Variants in OCA2 observed in about 807,000 individuals in gnomAD.
OCA2 encodes the protein P protein.
In OCA2, 77 loss-of-function variants were observed where a neutral mutation model predicts 100.2. That is an observed-to-expected ratio of 0.77 (90% confidence interval 0.64 to 0.93). The LOEUF (loss-of-function observed/expected upper bound fraction) is 0.93. Ranked by LOEUF, OCA2 falls within the 40% of genes least tolerant of loss-of-function variation. The pLI is 0.00. For missense variants in OCA2, 1,062 were observed against 1,089.1 expected (o/e 0.98, Z 0.35); for synonymous variants, 432 against 439.2 (o/e 0.98, Z 0.21).
intron 23 of OCA2, among the ~76,000 whole-genome samples, chr15:27,770,979 CCTT>C (rs1218784288): frequency 6.4e-5 from 7 of 108,756 alleles, no homozygotes; most frequent in Non-Finnish European, 1.2e-4. Context: ...CCCTTCCTTT[CCTT>C]CTTTCTTCCT....
intron 9 of OCA2, among the ~76,000 whole-genome samples, chr15:28,008,182 T>A (rs1035262463): frequency 6.6e-5 from 10 of 151,274 alleles, no homozygotes; most frequent in African/African-American, 2.4e-4. Context: ...TAGAGTAGAG[T>A]TTCCTCTTCA....
At position 27,983,201 on chromosome 15, in the gene OCA2, C is replaced by T. The variant is rs145382285; in HGVS notation, c.1503+144G>A. 717 of 950,726 alleles carry T rather than the reference C, an allele frequency of 7.5e-4. 2 individuals are homozygous for T. In the African/African-American group the frequency reaches 0.011, roughly 14 times the overall value. 58.9% of individuals were successfully genotyped at this position (950,726 alleles called of 1,614,324 possible). The stretch of plus-strand genomic sequence containing the variant: ...TTGAAGGACCAGTCACCTAACATCC[C>T]AGTCTTGAGATGCCCAGTAGCACTT... On this transcript the variant is annotated intron_variant, in intron 14 of 23. Transcript: ENST00000354638.
the OCA2 span, among the ~76,000 whole-genome samples, chr15:27,744,181 G>A: frequency 5.3e-5 from 8 of 152,284 alleles, 1 homozygote; most frequent in Admixed American, 6.5e-5. Context: ...TAAGATCCGG[G>A]GTGTCAGCCC....
chr15:27,785,181 T>A (rs546250301), intron 23 of OCA2, among the ~76,000 whole-genome samples: 1 of 152,032 alleles, frequency 6.6e-6, no homozygotes, highest in African/African-American at 2.4e-5. Context: ...CTTTGGAGTA[T>A]TAGGAAAAAA....
chr15:27,934,247 G>A (rs1442095882), intron 18 of OCA2, among the ~76,000 whole-genome samples: 3 of 136,506 alleles, frequency 2.2e-5, no homozygotes. Flanking sequence ...ATGCAAAAAT[G>A]TTGGGACCCC....
At chr15:27,873,549 A>G (rs930333649) in intron 19 of OCA2, among the ~76,000 whole-genome samples, 15 of 152,258 alleles carry the variant, frequency 9.9e-5, no homozygotes, top group South Asian at 6.2e-4. Context: ...GTTCTGCCAA[A>G]TACCAAATAG....
At chr15:27,736,756 G>A in the OCA2 span, among the ~76,000 whole-genome samples, 7 of 152,112 alleles carry the variant, frequency 4.6e-5, no homozygotes, top group East Asian at 1.3e-3. Flanking sequence ...TAAATACACA[G>A]CAATTCACAG....
chr15:27,806,474 C>G (rs1330866452), intron 23 of OCA2, among the ~76,000 whole-genome samples: 1 of 152,140 alleles, frequency 6.6e-6, no homozygotes, highest in Non-Finnish European at 1.5e-5. Context: ...GGTGGCACCC[C>G]GGCTCCGCTC....
chr15:27,971,191 G>T (rs1175971763), intron 14 of OCA2, among the ~76,000 whole-genome samples: 1 of 151,900 alleles, frequency 6.6e-6, no homozygotes, highest in East Asian at 1.9e-4. Flanking sequence ...TGGGAAAACG[G>T]GAAGAATGTC....
chr15:27,911,702 G>C (rs2038403763), intron 19 of OCA2, among the ~76,000 whole-genome samples: 2 of 152,088 alleles, frequency 1.3e-5, no homozygotes, highest in South Asian at 4.1e-4. Flanking sequence ...CATTCTTAGA[G>C]GATCCACCCC....
the OCA2 span, among the ~76,000 whole-genome samples, chr15:27,721,988 G>T: frequency 6.6e-6 from 1 of 152,280 alleles, no homozygotes; most frequent in South Asian, 2.1e-4. Context: ...AGACACATTT[G>T]TATCTATTGC....
chr15:28,095,013 G>A (rs2044946314), intron 1 of OCA2, among the ~76,000 whole-genome samples: 1 of 152,254 alleles, frequency 6.6e-6, no homozygotes, highest in South Asian at 2.1e-4. Context: ...TCACCTGCTC[G>A]GCCCAAGAAA....
chr15:27,920,813 T>C (rs2038829383), intron 19 of OCA2, among the ~76,000 whole-genome samples: 1 of 151,912 alleles, frequency 6.6e-6, no homozygotes, highest in Admixed American at 6.6e-5. Flanking sequence ...TGAGATGACA[T>C]AAAATTGAGA....
At chr15:27,725,970 G>C in the OCA2 span, among the ~76,000 whole-genome samples, 1 of 151,792 alleles carries the variant, frequency 6.6e-6, no homozygotes, top group Non-Finnish European at 1.5e-5. Context: ...GCAAACTCTT[G>C]CTGTAATAAG....
chr15:27,753,321 T>G (rs1338223368), downstream of OCA2, among the ~76,000 whole-genome samples: 332 of 67,196 alleles, frequency 4.9e-3, no homozygotes, highest in Admixed American at 7.7e-3. Flanking sequence ...CGGAGGGGAG[T>G]GGGAGAAGGG....
intron 17 of OCA2, among the ~76,000 whole-genome samples, chr15:27,953,826 T>A (rs2040119765): frequency 6.6e-6 from 1 of 152,034 alleles, no homozygotes; most frequent in African/African-American, 2.4e-5. Context: ...AGTTCTTTAG[T>A]GGTGATTTCT....
intron 1 of OCA2, among the ~76,000 whole-genome samples, chr15:28,083,807 T>C (rs1301274984): frequency 6.6e-6 from 1 of 152,202 alleles, no homozygotes; most frequent in Non-Finnish European, 1.5e-5. Flanking sequence ...TCCCTGGTTT[T>C]TGAACAAAGG....
At chr15:27,940,353 T>C (rs544175192) in intron 18 of OCA2, among the ~76,000 whole-genome samples, 1 of 152,220 alleles carries the variant, frequency 6.6e-6, no homozygotes, top group African/African-American at 2.4e-5. Flanking sequence ...GCCCTGTAGT[T>C]AGGTGAAGCC....
chr15:28,031,372 G>T (rs2042902318), intron 3 of OCA2, among the ~76,000 whole-genome samples: 1 of 152,184 alleles, frequency 6.6e-6, no homozygotes, highest in Non-Finnish European at 1.5e-5. Flanking sequence ...CGTTCAAGGA[G>T]CCAGGAAACA....
Sources: gnomAD v4.1 joint callset for allele counts (sites outside exome capture counted in the v4.1 genomes callset) on GRCh38, gnomAD v4.1.1 for gene constraint, MANE v1.5 for transcripts, NCBI Gene and HGNC (gene_info 2026-07-23, HGNC 2026-07-21) for gene names.